The following GRM7 variants were observed in gnomAD, a reference collection of about 807,000 sequenced individuals.
The protein encoded by GRM7 is glutamate metabotropic receptor 7.
A neutral mutation model predicts 84.5 loss-of-function variants in GRM7; 35 were observed. The ratio of observed to expected loss-of-function variants is 0.41; its 90% confidence interval spans 0.32 to 0.55. The LOEUF (loss-of-function observed/expected upper bound fraction) is 0.55. Among genes scored for constraint, GRM7 ranks in the 20% least tolerant of loss-of-function variants. The pLI is 0.19. For missense variants in GRM7, 1,003 were observed against 1,194.6 expected (o/e 0.84, Z 2.36); for synonymous variants, 487 against 455.1 (o/e 1.07, Z -0.89).
chr3:7,547,176 G>GC (rs1471518295), intron 7 of GRM7, among the ~76,000 whole-genome samples: 1 of 143,300 alleles, frequency 7.0e-6, no homozygotes, highest in Non-Finnish European at 1.5e-5. Flanking sequence ...TCTCAGCACA[G>GC]CCCCCAGAGA....
intron 2 of GRM7, among the ~76,000 whole-genome samples, chr3:7,210,316 T>A (rs369733346): frequency 6.6e-6 from 1 of 152,228 alleles, no homozygotes; most frequent in Non-Finnish European, 1.5e-5. Context: ...ATTAGAAACA[T>A]ACCCTAAGAA....
chr3:7,661,372 A>C (rs1289482027), intron 8 of GRM7, among the ~76,000 whole-genome samples: 3 of 152,228 alleles, frequency 2.0e-5, no homozygotes, highest in Non-Finnish European at 4.4e-5. Flanking sequence ...CGTTAGAAAA[A>C]CAAAAATTAA....
At chr3:7,079,477 G>A (rs1698207124) in intron 1 of GRM7, among the ~76,000 whole-genome samples, 1 of 152,050 alleles carries the variant, frequency 6.6e-6, no homozygotes, top group Admixed American at 6.6e-5. Context: ...ATAAAAAATG[G>A]AGAACTGTAC....
intron 2 of GRM7, among the ~76,000 whole-genome samples, chr3:7,262,177 G>C (rs1482286641): frequency 1.3e-5 from 2 of 150,614 alleles, no homozygotes; most frequent in Non-Finnish European, 1.5e-5. Flanking sequence ...AAATAATGTT[G>C]GGAAAGTTCT....
chr3:7,052,754 T>A (rs1172239911), intron 1 of GRM7, among the ~76,000 whole-genome samples: 1 of 134,876 alleles, frequency 7.4e-6, no homozygotes, highest in African/African-American at 3.3e-5. Flanking sequence ...CCAGGTAGTA[T>A]TTTTTTGTTT....
intron 8 of GRM7, among the ~76,000 whole-genome samples, chr3:7,594,792 C>T (rs1695959369): frequency 6.6e-6 from 1 of 152,034 alleles, no homozygotes; most frequent in Non-Finnish European, 1.5e-5. Flanking sequence ...AAGCTCAGGG[C>T]CCCCACACAG....
chr3:7,069,821 A>G (rs73808631), intron 1 of GRM7, among the ~76,000 whole-genome samples: 18,368 of 152,038 alleles, frequency 0.12, 1,629 homozygotes, highest in African/African-American at 0.25. Flanking sequence ...GCAACATGGT[A>G]TACTCTGGTC....
chr3:7,482,709 G>A (rs1559353669), intron 7 of GRM7, among the ~76,000 whole-genome samples: 1 of 152,198 alleles, frequency 6.6e-6, no homozygotes, highest in Non-Finnish European at 1.5e-5. Flanking sequence ...AGTTGATCTA[G>A]AGATAAAGGT....
intron 7 of GRM7, among the ~76,000 whole-genome samples, chr3:7,564,423 G>C (rs1357822927): frequency 6.6e-6 from 1 of 152,102 alleles, no homozygotes; most frequent in Non-Finnish European, 1.5e-5. Context: ...CAATGCTCAT[G>C]TTATTATCTA....
At chr3:7,023,028 G>A (rs1265690233) in intron 1 of GRM7, among the ~76,000 whole-genome samples, 1 of 121,866 alleles carries the variant, frequency 8.2e-6, no homozygotes, top group Non-Finnish European at 2.0e-5. Context: ...AATCATGAGG[G>A]AGAATGGATG....
intron 8 of GRM7, among the ~76,000 whole-genome samples, chr3:7,585,882 C>A (rs2125059032): frequency 6.6e-6 from 1 of 152,250 alleles, no homozygotes; most frequent in Non-Finnish European, 1.5e-5. Flanking sequence ...CAGGGGACTG[C>A]CAAATTCTCG....
intron 1 of GRM7, among the ~76,000 whole-genome samples, chr3:6,875,743 T>C (rs1574955170): frequency 6.6e-6 from 1 of 152,174 alleles, no homozygotes; most frequent in East Asian, 1.9e-4. Flanking sequence ...TATTTGATCA[T>C]GCCAGGGGTG....
chr3:7,321,087 A>G (rs1700763096), intron 4 of GRM7, among the ~76,000 whole-genome samples: 1 of 151,960 alleles, frequency 6.6e-6, no homozygotes, highest in African/African-American at 2.4e-5. Context: ...ATGAGCTTTC[A>G]ATACAGACAT....
intron 2 of GRM7, among the ~76,000 whole-genome samples, chr3:7,157,713 C>A (rs1264372892): frequency 5.3e-5 from 6 of 112,896 alleles, no homozygotes; most frequent in Non-Finnish European, 1.1e-4. Flanking sequence ...AATGCTATTT[C>A]ATTTTTTTTT....
intron 1 of GRM7, among the ~76,000 whole-genome samples, chr3:6,966,515 T>G (rs1693526548): frequency 6.6e-6 from 1 of 152,216 alleles, no homozygotes; most frequent in Admixed American, 6.5e-5. Context: ...TACCAAAAGG[T>G]GAACTTCCCT....
chr3:7,135,710 A>T (rs1693749053), intron 1 of GRM7, among the ~76,000 whole-genome samples: 1 of 151,828 alleles, frequency 6.6e-6, no homozygotes, highest in Non-Finnish European at 1.5e-5. Context: ...CTGAGAAAGA[A>T]TGTAATATAG....
At chr3:7,557,367 A>C (rs1693815600) in intron 7 of GRM7, among the ~76,000 whole-genome samples, 1 of 152,328 alleles carries the variant, frequency 6.6e-6, no homozygotes, top group East Asian at 1.9e-4. Flanking sequence ...AGATATTGAC[A>C]TATCTGGGAA....
intron 2 of GRM7, among the ~76,000 whole-genome samples, chr3:7,219,798 C>A (rs1696738706): frequency 6.6e-6 from 1 of 152,150 alleles, no homozygotes; most frequent in South Asian, 2.1e-4. Context: ...ATGAGTGGAA[C>A]TCCTTGAAGA....
At chr3:7,226,116 T>C (rs567461566) in intron 2 of GRM7, among the ~76,000 whole-genome samples, 1 of 152,354 alleles carries the variant, frequency 6.6e-6, no homozygotes, top group Admixed American at 6.5e-5. Flanking sequence ...TCATCAAGTA[T>C]GTAGCAGAAT....
Sources: gnomAD v4.1 joint callset for allele counts (sites outside exome capture counted in the v4.1 genomes callset) on GRCh38, gnomAD v4.1.1 for gene constraint, MANE v1.5 for transcripts, NCBI Gene and HGNC (gene_info 2026-07-23, HGNC 2026-07-21) for gene names.